ADGRV1: variants seen among roughly 807,000 people sequenced by gnomAD.
The protein encoded by ADGRV1 is adhesion G protein-coupled receptor V1.
Under a neutral mutation model 596.2 loss-of-function variants are expected in ADGRV1, and 359 were observed. The ratio of observed to expected loss-of-function variants is 0.60; its 90% confidence interval spans 0.55 to 0.66. ADGRV1 has a LOEUF of 0.66. ADGRV1 is among the 30% of genes least tolerant of loss of function. The pLI is 0.00. For missense variants in ADGRV1, 7,274 were observed against 7,575.6 expected, an observed-to-expected ratio of 0.96 and a Z score of 1.48; for synonymous variants, 2,681 against 2,679.2, an observed-to-expected ratio of 1.00 and a Z score of -0.02.
chr5:90,953,099 A>G (rs1385061596), intron 83 of ADGRV1, among the ~76,000 whole-genome samples: 1 of 152,144 alleles, frequency 6.6e-6, no homozygotes, highest in African/African-American at 2.4e-5. Context: ...AAAAAATCTC[A>G]ATTGCATCTC....
chr5:91,004,458 T>C (rs2151118661), intron 85 of ADGRV1, among the ~76,000 whole-genome samples: 1 of 152,094 alleles, frequency 6.6e-6, no homozygotes, highest in South Asian at 2.1e-4. Flanking sequence ...TCGTAAAATA[T>C]CTTATTCATC....
At chr5:90,564,625 A>ATATATTTTTTTTT (rs1391157470) in intron 1 of ADGRV1, among the ~76,000 whole-genome samples, 6 of 33,598 alleles carry the variant, frequency 1.8e-4, no homozygotes, top group African/African-American at 1.2e-3. Context: ...ATATATATAT[A>ATATATTTTTTTTT]TTTTTTTTTT....
chr5:90,653,666 T>G lies in ADGRV1; in HGVS notation c.4092T>G (p.Asn1364Lys). ...CATTCTCAGCTTGGGTAATGCCCAA[T>G]GCCAATACGAATGGATTCATTATAG... is the stretch of plus-strand genomic sequence containing the variant. ...NFTFSAWVMP[N>K]ANTNGFIIAK... is the part of the protein sequence containing the mutation. Residue 1364 changes from asparagine to lysine, a missense_variant, in exon 20 of 90, where the codon AAT becomes AAG. Coordinates refer to ENST00000405460, the MANE Select transcript of ADGRV1 (RefSeq NM_032119.4). 1 of 1,613,346 alleles carries G rather than the reference T, an allele frequency of 6.2e-7. No homozygotes were observed. Among genetic ancestry groups the G allele is most frequent in the Non-Finnish European group, 8.5e-7 (1 of 1,179,656 alleles).
intron 38 of ADGRV1, among the ~76,000 whole-genome samples, chr5:90,707,661 C>A (rs1409381841): frequency 6.6e-6 from 1 of 152,126 alleles, no homozygotes; most frequent in East Asian, 1.9e-4. Flanking sequence ...CTATTAATAA[C>A]AATATAAATA....
intron 55 of ADGRV1, 83 bp from the exon 56 acceptor site, chr5:90,756,371 C>A: frequency 1.1e-6 from 1 of 883,512 alleles, no homozygotes; most frequent in Non-Finnish European, 1.7e-6. Flanking sequence ...CAATTATTTC[C>A]TTACTGAAAA....
intron 87 of ADGRV1, among the ~76,000 whole-genome samples, chr5:91,140,186 C>T (rs1164787620): frequency 6.6e-6 from 1 of 152,180 alleles, no homozygotes; most frequent in African/African-American, 2.4e-5. Flanking sequence ...CATATTTTCA[C>T]CTCAAACATG....
At chr5:91,040,144 T>C (rs577914003) in intron 85 of ADGRV1, among the ~76,000 whole-genome samples, 2 of 152,274 alleles carry the variant, frequency 1.3e-5, no homozygotes, top group Non-Finnish European at 2.9e-5. Flanking sequence ...CTTTTACATA[T>C]ATGGTTTCAA....
intron 83 of ADGRV1, among the ~76,000 whole-genome samples, chr5:90,952,358 A>T (rs1003518816): frequency 2.0e-5 from 3 of 152,148 alleles, no homozygotes; most frequent in African/African-American, 7.2e-5. Flanking sequence ...TGATCAGCCA[A>T]TTGTGGAATA....
Position 90,720,989 on chromosome 5 carries a change from T to C in ADGRV1, c.9678T>C (p.Ser3226=), listed in dbSNP as rs1400266430. The change falls in exon 45 of 90, where the codon TCT becomes TCC. Residue 3226 remains serine (S), a synonymous_variant. Transcript: ENST00000405460. ...ATAGGACCGTGTATTTAAATGTATC[T>C]CGAACTAATGGCATTGATTTGGCTG... ...EANRTVYLNV[S]RTNGIDLAVS... 12 of 1,612,788 alleles carry C rather than the reference T, an allele frequency of 7.4e-6. No individual in the cohort carries two copies. The highest frequency in any genetic ancestry group is 9.3e-6 in the Non-Finnish European group (11 of 1,179,016).
intron 21 of ADGRV1, among the ~76,000 whole-genome samples, chr5:90,670,653 G>A (rs1772324736): frequency 6.6e-6 from 1 of 152,176 alleles, no homozygotes. Flanking sequence ...TGGAGGTTAT[G>A]CATAGGTTTG....
chr5:90,778,076 TTACTCTC>T, intron 62 of ADGRV1, 33 bp downstream of exon 62: 3 of 1,544,702 alleles, frequency 1.9e-6, no homozygotes, highest in Non-Finnish European at 2.6e-6. Flanking sequence ...TTTATGCCCT[TTACTCTC>T]TGTGCTGGTG....
intron 85 of ADGRV1, among the ~76,000 whole-genome samples, chr5:91,036,689 C>T (rs1324140367): frequency 1.3e-5 from 2 of 151,928 alleles, no homozygotes; most frequent in Non-Finnish European, 2.9e-5. Flanking sequence ...TTCAACTGCA[C>T]TCAAACATGG....
intron 15 of ADGRV1, among the ~76,000 whole-genome samples, chr5:90,645,217 G>T (rs553482496): frequency 4.9e-4 from 75 of 152,294 alleles, no homozygotes; most frequent in South Asian, 2.3e-3. Context: ...ACACGGGGTC[G>T]CATGAGTCAT....
chr5:90,986,888 A>G (rs1780541533), intron 85 of ADGRV1, among the ~76,000 whole-genome samples: 1 of 152,198 alleles, frequency 6.6e-6, no homozygotes, highest in Non-Finnish European at 1.5e-5. Flanking sequence ...CTAGCAGATC[A>G]TTCTTTTCAT....
chr5:90,781,419 G>T lies in ADGRV1; in HGVS notation c.13083-11G>T. The T allele has an allele frequency of 6.3e-7, 1 of 1,580,114 alleles. No individual in the cohort carries two copies. The highest frequency in any genetic ancestry group is 1.1e-5 in the South Asian group (1 of 88,352). On this transcript the variant is annotated splice_polypyrimidine_tract_variant and intron_variant, in intron 64 of 89. Coordinates refer to ENST00000405460, the MANE Select transcript of ADGRV1 (RefSeq NM_032119.4). ...TATTTTATTTTATTTTGATTTGTAT[G>T]ACTTTGGAAGAGGGTATGATTTTAC... is the stretch of plus-strand genomic sequence containing the variant.
At chr5:90,988,949 G>A (rs1780732424) in intron 85 of ADGRV1, among the ~76,000 whole-genome samples, 1 of 148,874 alleles carries the variant, frequency 6.7e-6, no homozygotes, top group African/African-American at 2.5e-5. Flanking sequence ...CTTCATCCAT[G>A]TCCCTACAAA....
chr5:91,119,466 C>T (rs1364823036), intron 87 of ADGRV1, among the ~76,000 whole-genome samples: 2 of 152,174 alleles, frequency 1.3e-5, no homozygotes, highest in African/African-American at 4.8e-5. Context: ...TGTCTTTTGC[C>T]TCTGTGTTAC....
At position 90,694,269 on chromosome 5, in the gene ADGRV1, C is replaced by T. The variant is rs1363581535; in HGVS notation, c.7513C>T (p.Pro2505Ser). 1.2e-6 allele frequency: 2 copies of T among 1,613,920 alleles called. No homozygotes were observed. The highest frequency in any genetic ancestry group is 1.7e-6 in the Non-Finnish European group (2 of 1,179,856). The change falls in exon 33 of 90, where the codon CCT (proline) becomes TCT (serine). Residue 2505 changes from proline (P) to serine (S), a missense_variant. By Grantham distance (74) the Pro-to-Ser change is moderately conservative. Coordinates refer to ENST00000405460, the MANE Select transcript of ADGRV1 (RefSeq NM_032119.4). ...GGCTGTGGCTGGGAGTGACTATGAGCCTGTGACAAGGCAATGGGCCATAAT... is the reference window on the plus strand; with the variant it reads ...GGCTGTGGCTGGGAGTGACTATGAGTCTGTGACAAGGCAATGGGCCATAAT... ...GQAVAGSDYE[P>S]VTRQWAIMQE...
At chr5:90,850,559 A>G (rs1766384908) in intron 79 of ADGRV1, 1 of 152,044 alleles carries the variant, frequency 6.6e-6, no homozygotes, top group Non-Finnish European at 1.5e-5. Flanking sequence ...GTAGTCAAGA[A>G]TACCTGTTAT....
Sources: allele counts gnomAD v4.1 joint callset (sites outside exome capture counted in the v4.1 genomes callset), GRCh38; gene constraint gnomAD v4.1.1; transcripts MANE v1.5; gene names NCBI Gene and HGNC (gene_info 2026-07-23, HGNC 2026-07-21).